ADGRL3: variants seen among roughly 807,000 people sequenced by gnomAD.
ADGRL3 encodes the protein calcium-independent alpha-latrotoxin receptor 3.
Under a neutral mutation model 153.5 loss-of-function variants are expected in ADGRL3, and 62 were observed. The ratio of observed to expected loss-of-function variants is 0.40; its 90% CI spans 0.33 to 0.50. The LOEUF (loss-of-function observed/expected upper bound fraction) is 0.50. ADGRL3 is among the 20% of genes least tolerant of loss of function. The pLI, the probability that ADGRL3 is intolerant of heterozygous loss-of-function variation, is 0.47. For synonymous variants in ADGRL3, 710 were observed against 672.5 expected (o/e 1.06, Z -0.86); for missense variants, 1,641 against 1,859.4 (o/e 0.88, Z 2.16).
At chr4:61,396,436 A>T (rs1230073345) in intron 2 of ADGRL3, among the ~76,000 whole-genome samples, 24 of 151,962 alleles carry the variant, frequency 1.6e-4, no homozygotes. Flanking sequence ...TTTTATAGGA[A>T]TATACATATC....
At chr4:62,036,201 G>A (rs1724886990) in intron 23 of ADGRL3, among the ~76,000 whole-genome samples, 1 of 152,032 alleles carries the variant, frequency 6.6e-6, no homozygotes, top group Non-Finnish European at 1.5e-5. Flanking sequence ...GCAGAGAAAG[G>A]CCTTAAAGAC....
At chr4:61,867,540 A>ATATATATATATATATATAGATATAT (rs201200813) in intron 9 of ADGRL3, among the ~76,000 whole-genome samples, 1 of 132,122 alleles carries the variant, frequency 7.6e-6, no homozygotes, top group Non-Finnish European at 1.7e-5. Context: ...ATATATATAT[A>ATATATATATATATATATAGATATAT]ATTGTAGGAG....
At chr4:61,508,695 T>A (rs2152858890) in intron 3 of ADGRL3, among the ~76,000 whole-genome samples, 1 of 152,278 alleles carries the variant, frequency 6.6e-6, no homozygotes, top group South Asian at 2.1e-4. Flanking sequence ...GTAATGAGCA[T>A]ACTACCCAAT....
At chr4:61,618,298 TGCTTG>T in intron 5 of ADGRL3, among the ~76,000 whole-genome samples, 1 of 152,238 alleles carries the variant, frequency 6.6e-6, no homozygotes, top group Non-Finnish European at 1.5e-5. Flanking sequence ...TTATCGTTAA[TGCTTG>T]TTTCAAAATG....
At chr4:61,203,234 T>A (rs1463768494) in intron 1 of ADGRL3, among the ~76,000 whole-genome samples, 1 of 152,202 alleles carries the variant, frequency 6.6e-6, no homozygotes, top group Non-Finnish European at 1.5e-5. Flanking sequence ...TGCTTTTATT[T>A]ATGGCCAGAG....
chr4:61,263,032 A>T (rs13140257), intron 1 of ADGRL3, among the ~76,000 whole-genome samples: 44,835 of 151,916 alleles, frequency 0.3, 6,921 homozygotes, highest in East Asian at 0.39. Context: ...TAAGACAAAC[A>T]TGAAAATTTC....
chr4:61,657,100 A>C (rs2094461806), intron 5 of ADGRL3, among the ~76,000 whole-genome samples: 1 of 152,180 alleles, frequency 6.6e-6, no homozygotes. Flanking sequence ...GCCAATAAAA[A>C]ACATGTGTTT....
intron 2 of ADGRL3, among the ~76,000 whole-genome samples, chr4:61,479,396 C>T (rs1279963187): frequency 6.6e-6 from 1 of 152,082 alleles, no homozygotes; most frequent in East Asian, 1.9e-4. Context: ...TACCTACCTA[C>T]CTTCCTATAG....
chr4:61,391,999 G>C (rs376875565), intron 2 of ADGRL3, among the ~76,000 whole-genome samples: 1 of 149,882 alleles, frequency 6.7e-6, no homozygotes, highest in Non-Finnish European at 1.5e-5. Context: ...AGCTGGGACT[G>C]CAGGCGCCTG....
intron 1 of ADGRL3, among the ~76,000 whole-genome samples, chr4:61,325,270 C>G (rs2095441435): frequency 6.6e-6 from 1 of 152,060 alleles, no homozygotes; most frequent in African/African-American, 2.4e-5. Context: ...TGAGATCACT[C>G]CACTGTCCTC....
intron 1 of ADGRL3, among the ~76,000 whole-genome samples, chr4:61,255,483 T>C (rs1436971497): frequency 6.6e-6 from 1 of 152,228 alleles, no homozygotes. Context: ...ATTGCGAAGC[T>C]ATACATGTCT....
intron 2 of ADGRL3, among the ~76,000 whole-genome samples, chr4:61,494,556 A>G (rs995981315): frequency 3.9e-5 from 6 of 152,216 alleles, no homozygotes; most frequent in Non-Finnish European, 5.9e-5. Context: ...TCTGAGTTAT[A>G]CACTTATGAC....
chr4:62,032,450 T>C (rs1289754633), intron 23 of ADGRL3, among the ~76,000 whole-genome samples: 1 of 151,566 alleles, frequency 6.6e-6, no homozygotes, highest in Non-Finnish European at 1.5e-5. Flanking sequence ...ATCTCTGTTT[T>C]TCTATTTAAA....
chr4:61,899,386 T>C (rs1248405222), intron 11 of ADGRL3, among the ~76,000 whole-genome samples: 1 of 151,964 alleles, frequency 6.6e-6, no homozygotes, highest in Non-Finnish European at 1.5e-5. Context: ...AAAATTGAAG[T>C]CAAATAGATA....
At chr4:61,994,279 T>C (rs1208360930) in intron 19 of ADGRL3, among the ~76,000 whole-genome samples, 1 of 151,990 alleles carries the variant, frequency 6.6e-6, no homozygotes, top group Non-Finnish European at 1.5e-5. Context: ...TCTCGAGTAG[T>C]TGGGACCACA....
chr4:61,492,481 T>A (rs763645053), intron 2 of ADGRL3, among the ~76,000 whole-genome samples: 8 of 152,114 alleles, frequency 5.3e-5, no homozygotes, highest in Non-Finnish European at 8.8e-5. Flanking sequence ...GTTTTGAGAC[T>A]CTAATGTTAA....
chr4:61,760,614 C>T (rs535064102), intron 8 of ADGRL3, among the ~76,000 whole-genome samples: 18 of 152,282 alleles, frequency 1.2e-4, no homozygotes, highest in East Asian at 1.9e-4. Context: ...CTGAGTGAGG[C>T]GATGCCTCGC....
chr4:61,813,393 A>AAAATAAAT (rs149325961), intron 8 of ADGRL3, among the ~76,000 whole-genome samples: 10 of 152,108 alleles, frequency 6.6e-5, no homozygotes, highest in African/African-American at 2.4e-4. Context: ...ATTCCATTTC[A>AAAATAAAT]AAATAAATAA....
chr4:61,250,375 A>T (rs139947398), intron 1 of ADGRL3, among the ~76,000 whole-genome samples: 1 of 152,238 alleles, frequency 6.6e-6, no homozygotes, highest in African/African-American at 2.4e-5. Context: ...GGTTCTTCTT[A>T]CTTCTTAAAT....
Sources: gnomAD v4.1 joint callset for allele counts (sites outside exome capture counted in the v4.1 genomes callset) on GRCh38, gnomAD v4.1.1 for gene constraint, MANE v1.5 for transcripts, NCBI Gene and HGNC (gene_info 2026-07-23, HGNC 2026-07-21) for gene names.